Variants in HIVEP2 observed in about 807,000 individuals in gnomAD.
HIVEP2 encodes HIVEP zinc finger 2.
Under a neutral mutation model 180.7 loss-of-function variants are expected in HIVEP2, and 14 were observed. The ratio of observed to expected loss-of-function variants is 0.08; its 90% confidence interval spans 0.05 to 0.12. HIVEP2 has a LOEUF of 0.12. HIVEP2 is among the 10% of genes least tolerant of loss of function. HIVEP2 has a pLI of 1.00. For missense variants in HIVEP2, 2,579 were observed against 3,008.5 expected (o/e 0.86, Z 3.34); for synonymous variants, 1,184 against 1,136.4 (o/e 1.04, Z -0.84).
chr6:142,816,363 AT>A (rs1268843778), intron 2 of HIVEP2, among the ~76,000 whole-genome samples: 1 of 151,938 alleles, frequency 6.6e-6, no homozygotes, highest in Non-Finnish European at 1.5e-5. Flanking sequence ...TCCAGAATAT[AT>A]TTTTTCCTTC....
In HIVEP2 at chr6:142,852,183, C is replaced by T. The variant is rs961340977; in HGVS notation, c.-640-15136G>A. On this transcript the variant is annotated intron_variant, in intron 1 of 9. Transcript: ENST00000367603. ...TAGTCTATTTCTTCCTTCTTAAAGC[C>T]ACAGATTTCCCACCAAACTTAAAAC... 3.3e-5 allele frequency among the ~76,000 whole-genome samples: 5 copies of T among 152,142 alleles called. No homozygotes were observed. In the South Asian group the frequency reaches 1.0e-3, roughly 32 times the overall value.
intron 1 of HIVEP2, among the ~76,000 whole-genome samples, chr6:142,862,570 G>A (rs1239550778): frequency 6.9e-6 from 1 of 145,600 alleles, no homozygotes; most frequent in Non-Finnish European, 1.5e-5. Flanking sequence ...AATCGATTAT[G>A]TGTATCATAT....
chr6:142,751,898 T>TTTTCCCTTTTTCC lies in HIVEP2; in HGVS notation c.*1208_*1209insGGAAAAAGGGAAA, dbSNP rs1396998763. 1.3e-5 allele frequency: 2 copies of TTTTCCCTTTTTCC among 153,076 alleles called. No individual in the cohort carries two copies. The highest frequency in any genetic ancestry group is 3.8e-4 in the East Asian group (2 of 5,196). 9.5% of individuals were successfully genotyped at this position (153,076 alleles called of 1,614,324 possible). ...GACAGGAAGAGCTGGGGAGCAGGTCTCCATCTCCTTTTCCCCCTTCCACAC... is the reference window on the plus strand; with the variant it reads ...GACAGGAAGAGCTGGGGAGCAGGTCTTTTCCCTTTTTCCCCATCTCCTTTTCCCCCTTCCACAC... On this transcript the variant is annotated 3_prime_UTR_variant, in exon 10 of 10. Transcript: ENST00000367603.
At chr6:142,880,808 T>A (rs771113195) in intron 1 of HIVEP2, among the ~76,000 whole-genome samples, 5 of 152,120 alleles carry the variant, frequency 3.3e-5, no homozygotes, top group Non-Finnish European at 7.3e-5. Context: ...GAGGCCACAA[T>A]CACAACTGCA....
At chr6:142,762,264 T>TATCAC (rs1308397443) in intron 7 of HIVEP2, among the ~76,000 whole-genome samples, 1 of 152,196 alleles carries the variant, frequency 6.6e-6, no homozygotes, top group Admixed American at 6.5e-5. Flanking sequence ...TTCAGGCTCC[T>TATCAC]ATCACACTAA....
intron 1 of HIVEP2, among the ~76,000 whole-genome samples, chr6:142,924,085 T>C (rs930110673): frequency 3.3e-5 from 5 of 152,264 alleles, no homozygotes; most frequent in Non-Finnish European, 7.3e-5. Flanking sequence ...AAAGGAGGAC[T>C]GCAGATGATT....
intron 1 of HIVEP2, among the ~76,000 whole-genome samples, chr6:142,868,291 A>C (rs1030081715): frequency 6.6e-6 from 1 of 152,320 alleles, no homozygotes; most frequent in Admixed American, 6.5e-5. Context: ...ACTTCCTTTT[A>C]CCGTACAGTA....
At chr6:142,875,123 G>GA (rs1349389807) in intron 1 of HIVEP2, among the ~76,000 whole-genome samples, 1 of 152,134 alleles carries the variant, frequency 6.6e-6, no homozygotes, top group Non-Finnish European at 1.5e-5. Flanking sequence ...ATGGATTAAG[G>GA]AAACTGCTCA....
Position 142,770,105 on chromosome 6 carries a change from G to C in HIVEP2, c.4634C>G (p.Ser1545Cys). 1 of 1,614,222 alleles carries C rather than the reference G, an allele frequency of 6.2e-7. No homozygotes were observed. The highest frequency in any genetic ancestry group is 1.6e-4 in the Middle Eastern group (1 of 6,062). The change falls in exon 5 of 10, where the codon TCC becomes TGC. Residue 1545 changes from serine (S) to cysteine (C), a missense_variant. This residue lies in a region of HIVEP2 where 349 missense variants were observed against 367.2 expected (regional missense o/e 0.95). Coordinates refer to ENST00000367603, the MANE Select transcript of HIVEP2 (RefSeq NM_006734.4). This position sits in a 1 kb window ranked among gnomAD's most constrained non-coding sequence, Gnocchi z 4.7. Reference protein sequence around the residue: ...EPFLPSKEMLSGSRAPLPGQK... With the variant: ...EPFLPSKEMLCGSRAPLPGQK... ...CCCCGGAAGTGGTGCCCGGGAACCG[G>C]AAAGCATCTCCTTGCTGGGCAGGAA... is the stretch of plus-strand genomic sequence containing the variant.
At chr6:142,845,673 C>A (rs1359460013) in intron 1 of HIVEP2, among the ~76,000 whole-genome samples, 1 of 152,202 alleles carries the variant, frequency 6.6e-6, no homozygotes, top group Non-Finnish European at 1.5e-5. Context: ...GAATTGATGT[C>A]CTCACTAACC....
chr6:142,801,328 G>A (rs1182704779), intron 2 of HIVEP2, among the ~76,000 whole-genome samples: 1 of 149,284 alleles, frequency 6.7e-6, no homozygotes, highest in Non-Finnish European at 1.5e-5. Flanking sequence ...AGAATTGCTT[G>A]AACCCAGGAG....
chr6:142,843,321 A>G (rs140239950), intron 1 of HIVEP2, among the ~76,000 whole-genome samples: 1 of 150,670 alleles, frequency 6.6e-6, no homozygotes. Context: ...GCCAGTTGTT[A>G]TAATAAAGTA....
At position 142,753,761 on chromosome 6, in the gene HIVEP2, C is replaced by A; in HGVS notation, c.6687G>T (p.Val2229=). ...QQQVRAPIPM[V]PVGGIQMVHS... is the part of the protein sequence containing the mutation. ...GAACCATCTGGATCCCACCAACGGG[C>A]ACCATGGGGATAGGGGCTCGCACTT... Residue 2229 remains valine (V), a synonymous_variant, in exon 10 of 10, where the codon GTG becomes GTT. Coordinates refer to ENST00000367603, the MANE Select transcript of HIVEP2 (RefSeq NM_006734.4). 1.2e-5 allele frequency: 19 copies of A among 1,614,172 alleles called. No homozygotes were observed. Among genetic ancestry groups the A allele is most frequent in the Non-Finnish European group, 1.6e-5 (19 of 1,180,038 alleles).
intron 3 of HIVEP2, among the ~76,000 whole-genome samples, chr6:142,780,994 A>G (rs1470270512): frequency 6.6e-6 from 1 of 152,242 alleles, no homozygotes; most frequent in African/African-American, 2.4e-5. Flanking sequence ...AATCTACATT[A>G]AATGAATCAT....
At chr6:142,754,720 G>A (rs1775020026) in intron 9 of HIVEP2, among the ~76,000 whole-genome samples, 1 of 152,162 alleles carries the variant, frequency 6.6e-6, no homozygotes, top group African/African-American at 2.4e-5. Flanking sequence ...AAAGATGACT[G>A]CATCTTAATT....
At chr6:142,830,393 T>A (rs1775047142) in intron 2 of HIVEP2, among the ~76,000 whole-genome samples, 1 of 152,164 alleles carries the variant, frequency 6.6e-6, no homozygotes, top group African/African-American at 2.4e-5. Context: ...AAAAGATAGC[T>A]ATTTTTCCTG....
intron 4 of HIVEP2, among the ~76,000 whole-genome samples, chr6:142,775,770 G>C (rs1775682019): frequency 6.6e-6 from 1 of 151,844 alleles, no homozygotes; most frequent in African/African-American, 2.4e-5. Context: ...GGGAGGCAGA[G>C]GTTGCAGTGA....
At chr6:142,890,699 T>G (rs1012400347) in intron 1 of HIVEP2, among the ~76,000 whole-genome samples, 6 of 152,232 alleles carry the variant, frequency 3.9e-5, no homozygotes, top group African/African-American at 1.4e-4. Flanking sequence ...ATTAATATAA[T>G]AATCTAATGA....
At chr6:142,853,415 T>C (rs1775741213) in intron 1 of HIVEP2, among the ~76,000 whole-genome samples, 1 of 152,214 alleles carries the variant, frequency 6.6e-6, no homozygotes, top group South Asian at 2.1e-4. Context: ...CTACTTAAAA[T>C]GAATCATACT....
Sources: allele counts gnomAD v4.1 joint callset (sites outside exome capture counted in the v4.1 genomes callset), GRCh38; gene constraint gnomAD v4.1.1; regional missense constraint gnomAD v4.1.1; non-coding constraint Gnocchi (gnomAD v3.1); transcripts MANE v1.5; gene names NCBI Gene and HGNC (gene_info 2026-07-23, HGNC 2026-07-21).